The following NRXN1 variants were observed in gnomAD, a reference collection of about 807,000 sequenced individuals.
NRXN1 encodes the protein neurexin 1, also known as neurexin-1.
A neutral mutation model predicts 150.9 loss-of-function variants in NRXN1; 39 were observed. The ratio of observed to expected loss-of-function variants is 0.26; its 90% CI spans 0.20 to 0.34. The LOEUF (loss-of-function observed/expected upper bound fraction) is 0.34, where lower values mean the gene tolerates loss of function less well. Among genes scored for constraint, NRXN1 ranks in the 10% least tolerant of loss-of-function variants. The pLI is 1.00. For synonymous variants in NRXN1, 924 were observed against 757.0 expected, an observed-to-expected ratio of 1.22 and a Z score of -3.62; for missense variants, 1,815 against 1,949.9, an observed-to-expected ratio of 0.93 and a Z score of 1.30.
intron 5 of NRXN1, among the ~76,000 whole-genome samples, chr2:50,900,886 C>A (rs1336508597): frequency 6.6e-6 from 1 of 152,062 alleles, no homozygotes; most frequent in Non-Finnish European, 1.5e-5. Flanking sequence ...AGAGATGGTT[C>A]TCCTAAGAAT....
chr2:50,860,404 G>T (rs1365477785), intron 5 of NRXN1, among the ~76,000 whole-genome samples: 1 of 152,052 alleles, frequency 6.6e-6, no homozygotes, highest in Non-Finnish European at 1.5e-5. Context: ...AGAGAAGGGA[G>T]AAATTAGAAA....
chr2:50,645,188 C>A (rs1197117080), intron 5 of NRXN1, among the ~76,000 whole-genome samples: 1 of 151,894 alleles, frequency 6.6e-6, no homozygotes, highest in African/African-American at 2.4e-5. Flanking sequence ...CAGAAAAGTT[C>A]ATGATTGCTT....
At chr2:50,044,261 A>T (rs565046812) in intron 21 of NRXN1, among the ~76,000 whole-genome samples, 79 of 152,338 alleles carry the variant, frequency 5.2e-4, no homozygotes, top group African/African-American at 1.8e-3. Flanking sequence ...AAAGATGAAG[A>T]TAAAAAAATG....
At chr2:51,002,298 A>G (rs954140684) in intron 2 of NRXN1, among the ~76,000 whole-genome samples, 1 of 151,956 alleles carries the variant, frequency 6.6e-6, no homozygotes. Context: ...TCTCTGACAC[A>G]ATACACTAAA....
intron 2 of NRXN1, among the ~76,000 whole-genome samples, chr2:50,953,369 G>T (rs1370490295): frequency 2.0e-5 from 3 of 152,118 alleles, no homozygotes; most frequent in Admixed American, 6.6e-5. Context: ...AATAAGTATA[G>T]TTCATTTTCA....
intron 5 of NRXN1, among the ~76,000 whole-genome samples, chr2:50,790,046 T>C (rs1162064800): frequency 1.3e-5 from 2 of 152,104 alleles, no homozygotes; most frequent in Non-Finnish European, 2.9e-5. Context: ...CATATTTCTG[T>C]AAGCCTGGCC....
At chr2:50,187,588 C>A (rs1487143379) in intron 18 of NRXN1, among the ~76,000 whole-genome samples, 1 of 151,924 alleles carries the variant, frequency 6.6e-6, no homozygotes, top group Admixed American at 6.6e-5. Context: ...TTTTTGGATC[C>A]ATATAAAATT....
chr2:50,537,445 T>C (rs2093288427), intron 10 of NRXN1, among the ~76,000 whole-genome samples: 1 of 152,234 alleles, frequency 6.6e-6, no homozygotes, highest in South Asian at 2.1e-4. Flanking sequence ...TATTTATTCC[T>C]TTAGCCTGTT....
rs76405494 is a variant in NRXN1 at position 50,745,446 on chromosome 2, C to T, written c.833-121831G>A. 7.4e-3 allele frequency among the ~76,000 whole-genome samples: 999 copies of T among 134,810 alleles called. 6 individuals carry two copies. The highest frequency in any genetic ancestry group is 0.025 in the African/African-American group (947 of 37,254). The allele number at this position is 134,810 out of a possible 152,430, so 88.4% of individuals were successfully genotyped here. A position where few individuals can be genotyped will look rare whatever the true frequency, so the allele number is the denominator to read the frequency against. On this transcript the variant is annotated intron_variant, in intron 5 of 22. Coordinates refer to ENST00000401669, the MANE Select transcript of NRXN1 (RefSeq NM_001330078.2). ...CCTTTTTCTCTTTCCATTGAGAAAACCAAATCTAACATGAACATGGCATTT... is the reference window on the plus strand; with the variant it reads ...CCTTTTTCTCTTTCCATTGAGAAAATCAAATCTAACATGAACATGGCATTT...
At chr2:50,270,665 T>A (rs1200399230) in intron 17 of NRXN1, among the ~76,000 whole-genome samples, 2 of 137,088 alleles carry the variant, frequency 1.5e-5, no homozygotes, top group Non-Finnish European at 1.5e-5. Context: ...AAAATGCATA[T>A]AGATATAGTT....
chr2:50,454,294 C>T (rs980718506), intron 17 of NRXN1, among the ~76,000 whole-genome samples: 1 of 151,886 alleles, frequency 6.6e-6, no homozygotes, highest in Admixed American at 6.6e-5. Context: ...CCACTGCACT[C>T]CAGCAAGGGT....
At chr2:50,303,426 C>T (rs555109333) in intron 17 of NRXN1, among the ~76,000 whole-genome samples, 4 of 152,242 alleles carry the variant, frequency 2.6e-5, no homozygotes, top group African/African-American at 9.6e-5. Flanking sequence ...TTTTATTAAT[C>T]ACATTTCAGA....
chr2:50,591,170 G>A (rs1463546131), intron 8 of NRXN1, among the ~76,000 whole-genome samples: 1 of 152,022 alleles, frequency 6.6e-6, no homozygotes, highest in Non-Finnish European at 1.5e-5. Flanking sequence ...CAGGGACTGA[G>A]GCTTATTCAA....
At chr2:50,179,416 G>T (rs966447672) in intron 18 of NRXN1, among the ~76,000 whole-genome samples, 1 of 152,088 alleles carries the variant, frequency 6.6e-6, no homozygotes, top group African/African-American at 2.4e-5. Flanking sequence ...ATGCCCTGAG[G>T]TGAGTTTTTC....
chr2:50,340,867 T>C lies in NRXN1; in HGVS notation c.3365-103897A>G, dbSNP rs140808719. 3.9e-5 allele frequency among the ~76,000 whole-genome samples: 6 copies of C among 152,330 alleles called. No homozygotes were observed. The East Asian group carries it at 1.2e-3, about 29-fold the overall frequency. ...AAAGAGGCACACACTGTAGCATAAA[T>C]GAGTCATCGAGGGCTGACTGTGGTG... On this transcript the variant is annotated intron_variant, in intron 17 of 22. Transcript: ENST00000401669.
intron 17 of NRXN1, among the ~76,000 whole-genome samples, chr2:50,390,147 T>G (rs1461023282): frequency 6.6e-6 from 1 of 152,160 alleles, no homozygotes; most frequent in East Asian, 1.9e-4. Flanking sequence ...AAGCATGGAT[T>G]TTCCTGTATG....
chr2:49,944,813 T>C (rs1264436111), intron 21 of NRXN1, among the ~76,000 whole-genome samples: 1 of 152,110 alleles, frequency 6.6e-6, no homozygotes, highest in Non-Finnish European at 1.5e-5. Context: ...ATTCTCAGAA[T>C]TGCAACATTG....
intron 17 of NRXN1, among the ~76,000 whole-genome samples, chr2:50,297,989 C>T (rs962320315): frequency 3.5e-4 from 53 of 152,188 alleles, no homozygotes; most frequent in African/African-American, 1.2e-3. Context: ...ATCCTCCTTA[C>T]CTTCCTCTTT....
At chr2:50,412,165 C>A (rs1458029378) in intron 17 of NRXN1, among the ~76,000 whole-genome samples, 1 of 152,056 alleles carries the variant, frequency 6.6e-6, no homozygotes, top group African/African-American at 2.4e-5. Context: ...CCCAGGGACA[C>A]AAACACTGCA....
Sources: gnomAD v4.1 joint callset for allele counts (sites outside exome capture counted in the v4.1 genomes callset) on GRCh38, gnomAD v4.1.1 for gene constraint, MANE v1.5 for transcripts, NCBI Gene and HGNC (gene_info 2026-07-23, HGNC 2026-07-21) for gene names.